Variants in ZNF236 observed in about 807,000 individuals in gnomAD.
ZNF236 encodes the protein regulated by glucose.
ZNF236 carries 50 observed loss-of-function variants against 191.2 expected under a neutral mutation model. The observed-to-expected ratio is 0.26, with a 90% confidence interval of 0.21 to 0.33. The LOEUF is 0.33. ZNF236 is among the 10% of genes least tolerant of loss of function. The probability of loss-of-function intolerance (pLI) is 1.00; values close to 1 mark genes in which losing one functional copy is unlikely to be tolerated. For missense variants in ZNF236, 1,754 were observed against 2,374.5 expected (o/e 0.74, Z 5.43); for synonymous variants, 907 against 928.8 (o/e 0.98, Z 0.43).
At chr18:76,950,939 A>G (rs901924714) in intron 27 of ZNF236, among the ~76,000 whole-genome samples, 2 of 152,348 alleles carry the variant, frequency 1.3e-5, no homozygotes, top group East Asian at 3.9e-4. Flanking sequence ...CTCTTTGTAC[A>G]TCTCCATCAC....
intron 19 of ZNF236, among the ~76,000 whole-genome samples, chr18:76,917,133 T>C (rs1327627696): frequency 6.6e-6 from 1 of 152,270 alleles, no homozygotes; most frequent in Non-Finnish European, 1.5e-5. Context: ...TAAAAGTTTC[T>C]GACCTGTTAA....
chr18:76,937,062 G>A, intron 25 of ZNF236, 94 bp from the exon 26 acceptor site: 1 of 1,192,190 alleles, frequency 8.4e-7, no homozygotes, highest in South Asian at 1.5e-5. Flanking sequence ...CATGAATGCT[G>A]CTTCCTGCAG....
intron 30 of ZNF236, among the ~76,000 whole-genome samples, chr18:76,963,587 T>C (rs1482518484): frequency 2.0e-5 from 3 of 152,154 alleles, no homozygotes; most frequent in Non-Finnish European, 4.4e-5. Context: ...ACTGGCTCCA[T>C]AGAATGATTT....
At position 76,904,629 on chromosome 18, in the gene ZNF236, G is replaced by T. The variant is rs1201309106; in HGVS notation, c.2036+108G>T. Reference sequence around the variant, plus strand: ...GGTAGCATTAGCTTTTGGTATTAAAGATGTCACATTTGACTCCAAAACATT... The same window carrying T: ...GGTAGCATTAGCTTTTGGTATTAAATATGTCACATTTGACTCCAAAACATT... On this transcript the variant is annotated intron_variant, in intron 12 of 30. Coordinates refer to ENST00000320610, the MANE Select transcript of ZNF236 (RefSeq NM_001306089.2). The T allele has an allele frequency of 7.1e-6, 7 of 990,308 alleles. No individual in the cohort carries two copies. In the South Asian group the frequency reaches 9.8e-5, roughly 14 times the overall value. 61.3% of individuals were successfully genotyped at this position (990,308 alleles called of 1,614,324 possible).
chr18:76,873,343 C>T (rs1019083809), intron 5 of ZNF236, among the ~76,000 whole-genome samples: 2 of 152,212 alleles, frequency 1.3e-5, no homozygotes, highest in African/African-American at 4.8e-5. Context: ...GAGACACATG[C>T]GTGTAGAATC....
intron 26 of ZNF236, among the ~76,000 whole-genome samples, chr18:76,941,707 G>A (rs1277040017): frequency 6.6e-6 from 1 of 152,168 alleles, no homozygotes; most frequent in Non-Finnish European, 1.5e-5. Flanking sequence ...TTAAGCTTTG[G>A]TGGGTTAAGT....
chr18:76,866,569 T>C (rs1976412965), intron 3 of ZNF236, among the ~76,000 whole-genome samples: 1 of 152,196 alleles, frequency 6.6e-6, no homozygotes, highest in Admixed American at 6.5e-5. Context: ...CTCTGGTCTT[T>C]TAGAGATGAT....
intron 1 of ZNF236, among the ~76,000 whole-genome samples, chr18:76,838,436 G>C (rs1975394627): frequency 6.6e-6 from 1 of 152,156 alleles, no homozygotes; most frequent in Admixed American, 6.5e-5. Flanking sequence ...GTGGAAAGTC[G>C]TGGAAATTTC....
At position 76,927,566 on chromosome 18, in the gene ZNF236, C is replaced by T; in HGVS notation, c.4414+49C>T. ...ATTTTGACAGCTGGAGTTTCAGTTT[C>T]TTGCTTGTGATTACATATTTGAATT... On this transcript the variant is annotated intron_variant, in intron 24 of 30. Coordinates refer to ENST00000320610, the MANE Select transcript of ZNF236 (RefSeq NM_001306089.2). The surrounding 1 kb of genome is among the most constrained non-coding windows in gnomAD (Gnocchi z 5.4). The T allele has an allele frequency of 6.3e-7, 1 of 1,577,026 alleles. No individual in the cohort carries two copies.
At chr18:76,904,626 A>G (rs1460374854) in intron 12 of ZNF236, 105 bp downstream of exon 12, 1 of 1,018,632 alleles carries the variant, frequency 9.8e-7, no homozygotes, top group Non-Finnish European at 1.3e-6. Context: ...TTTTGGTATT[A>G]AAGATGTCAC....
chr18:76,876,158 A>C (rs1976707049), intron 6 of ZNF236, among the ~76,000 whole-genome samples: 1 of 152,194 alleles, frequency 6.6e-6, no homozygotes, highest in African/African-American at 2.4e-5. Context: ...GACTAAAATG[A>C]TGATTTCCTG....
At chr18:76,915,246 T>C (rs1011294337) in intron 18 of ZNF236, among the ~76,000 whole-genome samples, 1 of 152,190 alleles carries the variant, frequency 6.6e-6, no homozygotes, top group African/African-American at 2.4e-5. Flanking sequence ...CCTCATGTGC[T>C]ATGGGAGTGA....
At position 76,875,398 on chromosome 18, in the gene ZNF236, G is replaced by A; in HGVS notation, c.668-94G>A. 8.1e-7 allele frequency: 1 copy of A among 1,239,682 alleles called. No individual in the cohort carries two copies. Among genetic ancestry groups the A allele is most frequent in the Non-Finnish European group, 1.1e-6 (1 of 938,464 alleles). The allele number at this position is 1,239,682 out of a possible 1,614,324, so 76.8% of individuals were successfully genotyped here. A position where few individuals can be genotyped will look rare whatever the true frequency, so the allele number is the denominator to read the frequency against. ...TCTGGGGAGACATTTTGGCTGGAGG[G>A]ATAGGTTTGGGTAACTTCAGTGTTG... is the stretch of plus-strand genomic sequence containing the variant. On this transcript the variant is annotated intron_variant, in intron 5 of 30. Transcript: ENST00000320610. The surrounding 1 kb of genome is among the most constrained non-coding windows in gnomAD (Gnocchi z 4.3).
chr18:76,843,334 A>G (rs570196595), intron 1 of ZNF236, among the ~76,000 whole-genome samples: 1 of 152,306 alleles, frequency 6.6e-6, no homozygotes, highest in East Asian at 1.9e-4. Flanking sequence ...TTAGGTACAC[A>G]TTACATGCCA....
chr18:76,902,354 A>T (rs953418764), intron 11 of ZNF236, among the ~76,000 whole-genome samples: 2 of 152,302 alleles, frequency 1.3e-5, no homozygotes, highest in East Asian at 3.9e-4. Flanking sequence ...GGATTAGCAT[A>T]GAATAGTGTT....
chr18:76,933,916 C>T (rs768526300), intron 25 of ZNF236, among the ~76,000 whole-genome samples: 1 of 152,082 alleles, frequency 6.6e-6, no homozygotes, highest in Non-Finnish European at 1.5e-5. Flanking sequence ...TATCTAGAGT[C>T]AAAGTCAGTT....
Position 76,968,891 on chromosome 18 carries a change from A to G in ZNF236, c.*552A>G. 1 of 986,124 alleles carries G rather than the reference A, an allele frequency of 1.0e-6. No individual in the cohort carries two copies. The allele number at this position is 986,124 out of a possible 1,614,324, so 61.1% of individuals were successfully genotyped here. ...TTTTCAGTCTACCATAAGTTAATAT[A>G]ACTGATACCTTGAGAGATGGCTGGA... On this transcript the variant is annotated 3_prime_UTR_variant, in exon 31 of 31. Coordinates refer to ENST00000320610, the MANE Select transcript of ZNF236 (RefSeq NM_001306089.2).
At chr18:76,851,963 A>G (rs1975890296) in intron 3 of ZNF236, 24 bp downstream of exon 3, 1 of 1,577,314 alleles carries the variant, frequency 6.3e-7, no homozygotes, top group African/African-American at 1.4e-5. Flanking sequence ...TTTTGCATAT[A>G]CTTTGTTAAC....
intron 3 of ZNF236, among the ~76,000 whole-genome samples, chr18:76,860,676 G>T (rs1256821729): frequency 6.6e-6 from 1 of 152,128 alleles, no homozygotes; most frequent in African/African-American, 2.4e-5. Context: ...CCTCAGTTCT[G>T]TTTGTAAAAC....
Sources: gnomAD v4.1 joint callset for allele counts (sites outside exome capture counted in the v4.1 genomes callset) on GRCh38, gnomAD v4.1.1 for gene constraint, Gnocchi (gnomAD v3.1) non-coding constraint, MANE v1.5 for transcripts, NCBI Gene and HGNC (gene_info 2026-07-23, HGNC 2026-07-21) for gene names.